Variants in RTN4IP1 observed in about 807,000 individuals in gnomAD.
The protein encoded by RTN4IP1 is reticulon 4 interacting protein 1, also known as NAD(P)H oxidoreductase RTN4IP1, mitochondrial.
A neutral mutation model predicts 46.6 loss-of-function variants in RTN4IP1; 32 were observed. The observed-to-expected ratio is 0.69, with a 90% CI of 0.52 to 0.92. The LOEUF is 0.92. Among genes scored for constraint, RTN4IP1 ranks in the 40% least tolerant of loss-of-function variants. The probability of loss-of-function intolerance (pLI) is 0.00; values close to 1 mark genes in which losing one functional copy is unlikely to be tolerated. For synonymous variants in RTN4IP1, 167 were observed against 161.8 expected, an observed-to-expected ratio of 1.03 and a Z score of -0.24; for missense variants, 424 against 485.8, an observed-to-expected ratio of 0.87 and a Z score of 1.20.
intron 4 of RTN4IP1, among the ~76,000 whole-genome samples, chr6:106,608,711 C>T (rs1776147039): frequency 6.6e-6 from 1 of 152,276 alleles, no homozygotes; most frequent in Admixed American, 6.5e-5. Flanking sequence ...AGTTATAGAA[C>T]CTTCAGAGGG....
chr6:106,581,045 G>A, intron 8 of RTN4IP1, among the ~76,000 whole-genome samples: 1 of 150,846 alleles, frequency 6.6e-6, no homozygotes, highest in South Asian at 2.1e-4. Context: ...AGAAAGAAGA[G>A]AGAGAGAGGA....
intron 1 of RTN4IP1, among the ~76,000 whole-genome samples, chr6:106,624,300 C>T (rs61042372): frequency 0.039 from 5,874 of 152,096 alleles, 133 homozygotes; most frequent in South Asian, 0.097. Flanking sequence ...GTGATCCGCC[C>T]GCCTCGGCCT....
At position 106,610,964 on chromosome 6, in the gene RTN4IP1, A is replaced by G. The variant is rs550729907; in HGVS notation, c.621-8042T>C. Among the ~76,000 whole-genome samples the G allele has an allele frequency of 9.2e-5, 14 of 151,774 alleles. No individual in the cohort carries two copies. The East Asian group carries it at 2.7e-3, about 30-fold the overall frequency. ...ATGACTGAGTCACTTTTTATTTGGC[A>G]TTTGGGCACCTAAGCCCTCTACAAT... On this transcript the variant is annotated intron_variant, in intron 4 of 8. Coordinates refer to ENST00000369063, the MANE Select transcript of RTN4IP1 (RefSeq NM_032730.5).
intron 1 of RTN4IP1, 52 bp downstream of exon 1, chr6:106,628,696 C>G: frequency 1.4e-5 from 22 of 1,517,366 alleles, no homozygotes; most frequent in Non-Finnish European, 2.0e-5. Context: ...AACGGCATAC[C>G]TTATGAAAGT....
chr6:106,590,337 A>C lies in RTN4IP1; in HGVS notation c.806+1827T>G, dbSNP rs1775621057. On this transcript the variant is annotated intron_variant, in intron 6 of 8. Coordinates refer to ENST00000369063, the MANE Select transcript of RTN4IP1 (RefSeq NM_032730.5). ...CTCAAACAAAAACAAATACAAAAAA[A>C]CAAAACAAAACCCCTTAAGGTAGAT... Among the ~76,000 whole-genome samples the C allele has an allele frequency of 1.3e-5, 2 of 151,662 alleles. 1 individual carries two copies. Among genetic ancestry groups the C allele is most frequent in the South Asian group, 4.2e-4 (2 of 4,794 alleles).
At chr6:106,611,899 T>C (rs1776234655) in intron 4 of RTN4IP1, among the ~76,000 whole-genome samples, 1 of 152,222 alleles carries the variant, frequency 6.6e-6, no homozygotes, top group African/African-American at 2.4e-5. Context: ...GGGTAAGCCA[T>C]TTATGAAGAC....
At chr6:106,580,790 A>G (rs1278690805) in intron 8 of RTN4IP1, among the ~76,000 whole-genome samples, 1 of 152,082 alleles carries the variant, frequency 6.6e-6, no homozygotes, top group African/African-American at 2.4e-5. Context: ...CCATTTCCAT[A>G]AACAGAAATG....
rs138924347 is a variant in RTN4IP1, at chr6:106,614,189, G to A, written c.620+5013C>T. On this transcript the variant is annotated intron_variant, in intron 4 of 8. Coordinates refer to ENST00000369063, the MANE Select transcript of RTN4IP1 (RefSeq NM_032730.5). ...CAAATCTTATAGCTGGCATATAAAA[G>A]GAACTTGGAAGACATTGTTCCAAAT... 6.6e-4 allele frequency among the ~76,000 whole-genome samples: 100 copies of A among 152,312 alleles called. 1 individual carries two copies. The highest frequency in any genetic ancestry group is 2.3e-3 in the African/African-American group (94 of 41,568).
In RTN4IP1 at chr6:106,628,704, A is replaced by T. The variant is rs764021789; in HGVS notation, c.274+44T>A. 3.2e-6 allele frequency: 5 copies of T among 1,547,896 alleles called. No individual in the cohort carries two copies. The South Asian group carries it at 3.5e-5, about 11-fold the overall frequency. On this transcript the variant is annotated intron_variant, in intron 1 of 8. Transcript: ENST00000369063. The stretch of plus-strand genomic sequence containing the variant: ...TTTTTAAAACGGCATACCTTATGAA[A>T]GTGATTTTTTTAAAAAAGGTAACAA...
intron 7 of RTN4IP1, among the ~76,000 whole-genome samples, chr6:106,585,825 C>T (rs905380078): frequency 6.6e-6 from 1 of 152,156 alleles, no homozygotes; most frequent in Non-Finnish European, 1.5e-5. Context: ...TTTTACTCTC[C>T]GAGGACAACT....
chr6:106,609,748 C>T (rs1033283157), intron 4 of RTN4IP1, among the ~76,000 whole-genome samples: 1 of 152,236 alleles, frequency 6.6e-6, no homozygotes, highest in African/African-American at 2.4e-5. Context: ...TCTCCGACCT[C>T]ATTATTGTCA....
intron 4 of RTN4IP1, among the ~76,000 whole-genome samples, chr6:106,618,058 AG>A (rs1239883290): frequency 3.3e-5 from 5 of 152,232 alleles, no homozygotes; most frequent in African/African-American, 1.2e-4. Flanking sequence ...AAAAGTAAAC[AG>A]GGTTGACCTT....
chr6:106,583,601 T>C, intron 7 of RTN4IP1, 181 bp from the exon 8 acceptor site: 1 of 535,718 alleles, frequency 1.9e-6, no homozygotes, highest in Non-Finnish European at 3.4e-6. Flanking sequence ...TCCATAAATG[T>C]TTAATAAATA....
chr6:106,579,487 G>C (rs145216248), intron 8 of RTN4IP1, among the ~76,000 whole-genome samples: 233 of 152,320 alleles, frequency 1.5e-3, no homozygotes, highest in African/African-American at 5.2e-3. Context: ...AGGAAAAACA[G>C]ACTGTGAGGT....
intron 1 of RTN4IP1, among the ~76,000 whole-genome samples, chr6:106,624,175 C>G (rs1053613027): frequency 2.6e-5 from 4 of 152,064 alleles, no homozygotes; most frequent in African/African-American, 9.7e-5. Flanking sequence ...CCTGCCTCAG[C>G]CTCCCGAGTA....
chr6:106,609,529 T>C lies in RTN4IP1; in HGVS notation c.621-6607A>G, dbSNP rs555591352. 3.9e-5 allele frequency among the ~76,000 whole-genome samples: 6 copies of C among 152,226 alleles called. No individual in the cohort carries two copies. The East Asian group carries it at 1.2e-3, about 29-fold the overall frequency. On this transcript the variant is annotated intron_variant, in intron 4 of 8. Transcript: ENST00000369063. ...GGGTGACAGAGTGAGACCTTGTCTC[T>C]AAAAAAAGAAATCATCCAATCACCA...
intron 8 of RTN4IP1, among the ~76,000 whole-genome samples, chr6:106,579,358 A>G (rs923136036): frequency 1.1e-4 from 17 of 152,196 alleles, no homozygotes; most frequent in African/African-American, 4.1e-4. Flanking sequence ...TGAAAATACT[A>G]GGTAACTTAA....
chr6:106,605,610 G>A (rs1323669794), intron 4 of RTN4IP1, among the ~76,000 whole-genome samples: 4 of 151,652 alleles, frequency 2.6e-5, no homozygotes, highest in South Asian at 2.1e-4. Context: ...TCAGGAGATC[G>A]AGACCATCCT....
intron 5 of RTN4IP1, among the ~76,000 whole-genome samples, chr6:106,597,217 T>C (rs558882503): frequency 4.6e-5 from 7 of 152,344 alleles, no homozygotes; most frequent in African/African-American, 1.4e-4. Flanking sequence ...GTAGGAAAGT[T>C]TCTTTAATTA....
Sources: gnomAD v4.1 joint callset for allele counts (sites outside exome capture counted in the v4.1 genomes callset) on GRCh38, gnomAD v4.1.1 for gene constraint, MANE v1.5 for transcripts, NCBI Gene and HGNC (gene_info 2026-07-23, HGNC 2026-07-21) for gene names.